KDELR2: variants seen among roughly 807,000 people sequenced by gnomAD.
KDELR2 encodes the protein ER lumen protein-retaining receptor 2.
Under a neutral mutation model 23.9 loss-of-function variants are expected in KDELR2, and 15 were observed. The observed-to-expected ratio is 0.63, with a 90% confidence interval of 0.42 to 0.97. KDELR2 has a LOEUF of 0.97. Ranked by LOEUF, KDELR2 falls within the 50% of genes least tolerant of loss-of-function variation. KDELR2 has a pLI of 0.00. For missense variants in KDELR2, 272 were observed against 254.6 expected (o/e 1.07, Z -0.46); for synonymous variants, 119 against 106.2 (o/e 1.12, Z -0.74).
At chr7:6,464,223 A>T (rs1460010681) in intron 4 of KDELR2, among the ~76,000 whole-genome samples, 1 of 126,296 alleles carries the variant, frequency 7.9e-6, no homozygotes, top group Non-Finnish European at 1.8e-5. Flanking sequence ...AAAAAAAAAA[A>T]AAAAAAAAAA....
At chr7:6,468,537 G>A (rs757057805) in intron 3 of KDELR2, among the ~76,000 whole-genome samples, 15 of 151,588 alleles carry the variant, frequency 9.9e-5, no homozygotes, top group African/African-American at 3.2e-4. Flanking sequence ...ACAGCGTCTC[G>A]CTCTGTCGCC....
In KDELR2 at chr7:6,466,342, G is replaced by A. The variant is rs766472527; in HGVS notation, c.352-19C>T. 6 of 1,610,768 alleles carry A rather than the reference G, an allele frequency of 3.7e-6. No homozygotes were observed. Among genetic ancestry groups the A allele is most frequent in the Non-Finnish European group, 3.4e-6 (4 of 1,178,436 alleles). On this transcript the variant is annotated intron_variant, in intron 3 of 4. Transcript: ENST00000258739. ...AGAGGATCTGGAAGAGAAATGGCAA[G>A]CTTCCATCACGACCCACTGCCCACC...
intron 4 of KDELR2, among the ~76,000 whole-genome samples, chr7:6,464,673 G>A (rs1179688599): frequency 6.6e-6 from 1 of 151,356 alleles, no homozygotes; most frequent in Non-Finnish European, 1.5e-5. Flanking sequence ...GCCTGGGTGA[G>A]AGAGACTCGG....
chr7:6,466,673 T>C (rs1785510933), intron 3 of KDELR2, among the ~76,000 whole-genome samples: 1 of 151,910 alleles, frequency 6.6e-6, no homozygotes. Flanking sequence ...GTAGGAGCCC[T>C]GAGCTTGTTT....
intron 2 of KDELR2, among the ~76,000 whole-genome samples, chr7:6,471,986 C>T (rs1018589238): frequency 4.0e-5 from 6 of 151,894 alleles, no homozygotes; most frequent in African/African-American, 7.3e-5. Context: ...CTGCAACCTC[C>T]GCTTCCCGGG....
At chr7:6,478,433 C>T (rs1270011094) in intron 1 of KDELR2, among the ~76,000 whole-genome samples, 1 of 152,116 alleles carries the variant, frequency 6.6e-6, no homozygotes, top group Non-Finnish European at 1.5e-5. Flanking sequence ...CACCTGGCCG[C>T]ACTGCTATTT....
At chr7:6,464,656 C>T (rs1380036790) in intron 4 of KDELR2, among the ~76,000 whole-genome samples, 1 of 151,536 alleles carries the variant, frequency 6.6e-6, no homozygotes, top group Non-Finnish European at 1.5e-5. Flanking sequence ...CAAGCCACTG[C>T]ATTCTAGCCT....
chr7:6,471,403 C>A (rs1410713634), intron 2 of KDELR2, among the ~76,000 whole-genome samples: 3 of 151,984 alleles, frequency 2.0e-5, no homozygotes, highest in African/African-American at 7.2e-5. Context: ...TGGTCTCGAA[C>A]TCTTGACCTC....
chr7:6,484,114 AG>A lies in KDELR2; in HGVS notation c.-58del, dbSNP rs1390362014. The A allele has an allele frequency of 3.2e-6, 4 of 1,244,088 alleles. No individual in the cohort carries two copies. Among genetic ancestry groups the A allele is most frequent in the Non-Finnish European group, 4.1e-6 (4 of 980,286 alleles). The allele number at this position is 1,244,088 out of a possible 1,614,324, so 77.1% of individuals were successfully genotyped here. On this transcript the variant is annotated 5_prime_UTR_variant, in exon 1 of 5. Transcript: ENST00000258739. Reference sequence around the variant, plus strand: ...CGGCGGCCCCGGGGCTGGGCGGCTCAGGAGGCGGCGGCCCCTGAGAGGAAGC... The same window carrying A: ...CGGCGGCCCCGGGGCTGGGCGGCTCAGAGGCGGCGGCCCCTGAGAGGAAGC...
In KDELR2 at chr7:6,469,752, A is replaced by T. The variant is rs145710275; in HGVS notation, c.195T>A (p.Val65=). 7.8e-5 allele frequency: 126 copies of T among 1,607,926 alleles called. No individual in the cohort carries two copies. In the African/African-American group the frequency reaches 1.5e-3, roughly 19 times the overall value. ...TGGCATAGGAGCAGGCAAGGTAGAT[A>T]ACCTACAAATAAAAGAAAAAACACC... is the stretch of plus-strand genomic sequence containing the variant. ...FISLYNTSMK[V]IYLACSYATV... Residue 65 remains valine (V), a splice_region_variant and synonymous_variant, in exon 3 of 5, where the codon GTT becomes GTA. Transcript: ENST00000258739.
At chr7:6,467,015 A>G (rs774466048) in intron 3 of KDELR2, among the ~76,000 whole-genome samples, 7 of 152,164 alleles carry the variant, frequency 4.6e-5, no homozygotes, top group Admixed American at 4.6e-4. Context: ...TAAATCACAG[A>G]AACTTAAGCA....
chr7:6,474,402 C>A, intron 1 of KDELR2, 118 bp from the exon 2 acceptor site: 1 of 672,042 alleles, frequency 1.5e-6, no homozygotes, highest in Non-Finnish European at 2.7e-6. Context: ...AGGCCCAGGT[C>A]TAGGGATGGC....
At chr7:6,477,926 T>C (rs751066239) in intron 1 of KDELR2, among the ~76,000 whole-genome samples, 12 of 152,196 alleles carry the variant, frequency 7.9e-5, no homozygotes, top group East Asian at 1.9e-4. Flanking sequence ...AATCATAATG[T>C]ATCAATTAAA....
At chr7:6,473,168 C>T (rs907041791) in intron 2 of KDELR2, among the ~76,000 whole-genome samples, 1 of 150,140 alleles carries the variant, frequency 6.7e-6, no homozygotes, top group Non-Finnish European at 1.5e-5. Flanking sequence ...AGCAATCCAC[C>T]CACCTTGGCC....
intron 3 of KDELR2, among the ~76,000 whole-genome samples, chr7:6,468,955 CT>C (rs59284369): frequency 2.0e-3 from 290 of 143,240 alleles, no homozygotes; most frequent in Middle Eastern, 3.7e-3. Flanking sequence ...TAAATAACCT[CT>C]TTTTTTTTTT....
intron 1 of KDELR2, among the ~76,000 whole-genome samples, chr7:6,478,839 A>T (rs1785815692): frequency 6.6e-6 from 1 of 152,036 alleles, no homozygotes; most frequent in Non-Finnish European, 1.5e-5. Context: ...CCCAGGCTGG[A>T]GTGCAGTGGT....
chr7:6,471,670 T>C lies in KDELR2; in HGVS notation c.193-1916A>G, dbSNP rs568641408. 1.7e-4 allele frequency among the ~76,000 whole-genome samples: 26 copies of C among 152,266 alleles called. No individual in the cohort carries two copies. The South Asian group carries it at 5.0e-3, about 29-fold the overall frequency. ...AATGACATTAAGTGAGGGCCTAGTG[T>C]TAATAATTTGTTCCTTTTTATAGCT... On this transcript the variant is annotated intron_variant, in intron 2 of 4. Transcript: ENST00000258739.
chr7:6,471,693 G>T (rs1275949567), intron 2 of KDELR2, among the ~76,000 whole-genome samples: 2 of 152,126 alleles, frequency 1.3e-5, no homozygotes, highest in Admixed American at 6.6e-5. Context: ...CCTTTTTATA[G>T]CTGCGTCCAT....
chr7:6,477,364 C>A (rs1432414325), intron 1 of KDELR2, among the ~76,000 whole-genome samples: 1 of 152,132 alleles, frequency 6.6e-6, no homozygotes, highest in Admixed American at 6.5e-5. Flanking sequence ...GGAATCCTAG[C>A]TGAAGACAGA....
Sources: allele counts gnomAD v4.1 joint callset (sites outside exome capture counted in the v4.1 genomes callset), GRCh38; gene constraint gnomAD v4.1.1; transcripts MANE v1.5; gene names NCBI Gene and HGNC (gene_info 2026-07-23, HGNC 2026-07-21).